PI4K2A: variants seen among roughly 807,000 people sequenced by gnomAD.
PI4K2A encodes the protein phosphatidylinositol 4-kinase type 2-alpha.
In PI4K2A, 20 loss-of-function variants were observed where a neutral mutation model predicts 55.0. That is an observed-to-expected ratio of 0.36 (90% CI 0.26 to 0.53). The LOEUF is 0.53. Among genes scored for constraint, PI4K2A ranks in the 20% least tolerant of loss-of-function variants. PI4K2A has a pLI of 0.91. For synonymous variants in PI4K2A, 235 were observed against 258.5 expected (o/e 0.91, Z 0.87); for missense variants, 463 against 637.1 (o/e 0.73, Z 2.94).
At chr10:97,675,412 A>G (rs1014717303) in exon 9 of PI4K2A, 3 of 152,478 alleles carry the variant, frequency 2.0e-5, no homozygotes, top group African/African-American at 7.2e-5. Context: ...GGACGAAGGT[A>G]CAGCTCGCCT....
chr10:97,642,802 T>TTC lies in PI4K2A; in HGVS notation c.435+1625_435+1626insTC. Among the ~76,000 whole-genome samples, 2 of 139,192 alleles carry TTC rather than the reference T, an allele frequency of 1.4e-5. 1 individual carries two copies. Among genetic ancestry groups the TTC allele is most frequent in the Non-Finnish European group, 3.1e-5 (2 of 64,730 alleles). 91.3% of individuals were successfully genotyped at this position (139,192 alleles called of 152,430 possible). On this transcript the variant is annotated intron_variant, in intron 1 of 8. Transcript: ENST00000370631. ...GTCAGCCAGAGGCTTGCTTGCTTTC[T>TTC]CTTTCTTCCTTCCTTCCTTCCTTCC... is the stretch of plus-strand genomic sequence containing the variant.
exon 1 of PI4K2A, chr10:97,641,051 G>T: frequency 6.2e-7 from 1 of 1,603,948 alleles, no homozygotes; most frequent in South Asian, 1.1e-5. Context: ...AGCGGAACGA[G>T]TTCCCGGAGG....
chr10:97,655,638 G>A (rs1298177873), intron 2 of PI4K2A, among the ~76,000 whole-genome samples: 4 of 151,820 alleles, frequency 2.6e-5, no homozygotes, highest in Admixed American at 1.3e-4. Flanking sequence ...GCAGTGGTGC[G>A]ATCTTGGCTC....
At chr10:97,646,036 G>A (rs962737836) in intron 1 of PI4K2A, among the ~76,000 whole-genome samples, 4 of 151,928 alleles carry the variant, frequency 2.6e-5, no homozygotes, top group Non-Finnish European at 5.9e-5. Flanking sequence ...GGGGTCCACA[G>A]GTCAAAATTA....
In PI4K2A at chr10:97,642,884, T is replaced by TCTTCCTTCCTTC. The variant is rs1246613020; in HGVS notation, c.435+1739_435+1750dup. On this transcript the variant is annotated intron_variant, in intron 1 of 8. Coordinates refer to ENST00000370631, the Ensembl canonical transcript of PI4K2A. ...CTTTCTTTTTCTTTCTTTCTTTCTTTCTTCCTTCCTTCCTTCCTTCCTTCC... is the reference window on the plus strand; with the variant it reads ...CTTTCTTTTTCTTTCTTTCTTTCTTTCTTCCTTCCTTCCTTCCTTCCTTCCTTCCTTCCTTCC... 3.9e-4 allele frequency among the ~76,000 whole-genome samples: 38 copies of TCTTCCTTCCTTC among 96,856 alleles called. 1 individual carries two copies. The highest frequency in any genetic ancestry group is 4.7e-4 in the Non-Finnish European group (22 of 46,680). The allele number at this position is 96,856 out of a possible 152,430, so 63.5% of individuals were successfully genotyped here.
intron 4 of PI4K2A, among the ~76,000 whole-genome samples, chr10:97,662,642 G>T (rs1307537733): frequency 1.3e-5 from 2 of 152,144 alleles, no homozygotes; most frequent in Admixed American, 6.5e-5. Context: ...CAAATTGGCA[G>T]GTGCTCTAGG....
chr10:97,642,340 A>T (rs1242465501), intron 1 of PI4K2A, among the ~76,000 whole-genome samples: 1 of 151,756 alleles, frequency 6.6e-6, no homozygotes, highest in Non-Finnish European at 1.5e-5. Flanking sequence ...TTCTCAGTTT[A>T]CATAAACTGA....
chr10:97,644,430 G>C (rs1193979035), intron 1 of PI4K2A, among the ~76,000 whole-genome samples: 1 of 152,182 alleles, frequency 6.6e-6, no homozygotes, highest in Non-Finnish European at 1.5e-5. Context: ...GACTATATGT[G>C]ACAGATATTT....
chr10:97,654,163 T>A (rs528893683), intron 2 of PI4K2A, among the ~76,000 whole-genome samples: 43 of 152,308 alleles, frequency 2.8e-4, no homozygotes, highest in Middle Eastern at 6.8e-3. Flanking sequence ...TCCTATGAGG[T>A]TTCAGGTTAT....
At chr10:97,655,865 A>G (rs1238104080) in intron 2 of PI4K2A, among the ~76,000 whole-genome samples, 1 of 151,996 alleles carries the variant, frequency 6.6e-6, no homozygotes, top group Non-Finnish European at 1.5e-5. Flanking sequence ...GTGAGCCACC[A>G]CGCCTGGCCA....
intron 8 of PI4K2A, among the ~76,000 whole-genome samples, chr10:97,671,151 G>C (rs187495601): frequency 7.3e-6 from 1 of 136,854 alleles, no homozygotes; most frequent in East Asian, 2.5e-4. Flanking sequence ...AAAAAAAAAA[G>C]AGAGAGAGAG....
chr10:97,640,735 T>C (rs1363944741), exon 1 of PI4K2A: 1 of 1,488,984 alleles, frequency 6.7e-7, no homozygotes, highest in Non-Finnish European at 8.9e-7. Context: ...GAGCCGGCTG[T>C]CTGAGGGATG....
intron 8 of PI4K2A, among the ~76,000 whole-genome samples, chr10:97,671,802 G>A (rs2041636849): frequency 2.0e-5 from 3 of 151,864 alleles, no homozygotes; most frequent in Admixed American, 1.3e-4. Context: ...ATCATGCCCA[G>A]CTAATTTTTG....
chr10:97,662,907 A>T, exon 5 of PI4K2A: 1 of 1,603,302 alleles, frequency 6.2e-7, no homozygotes. Flanking sequence ...CTGTTCACAG[A>T]TCGAGGCAAT....
At chr10:97,649,609 A>ATT (rs60329004) in intron 1 of PI4K2A, among the ~76,000 whole-genome samples, 12,642 of 69,938 alleles carry the variant, frequency 0.18, 4,424 homozygotes, top group Non-Finnish European at 0.3. Context: ...TCCATAATAG[A>ATT]TTTTTTTTTT....
chr10:97,641,282 T>G, intron 1 of PI4K2A, 105 bp downstream of exon 1: 1 of 786,226 alleles, frequency 1.3e-6, no homozygotes, highest in Non-Finnish European at 2.0e-6. Context: ...AACTTCACAG[T>G]ACCAGCCCCT....
intron 8 of PI4K2A, among the ~76,000 whole-genome samples, chr10:97,672,529 T>TTA (rs1276678341): frequency 2.0e-5 from 3 of 152,096 alleles, no homozygotes; most frequent in Non-Finnish European, 4.4e-5. Context: ...GCCAATACAT[T>TTA]TATATATATA....
intron 5 of PI4K2A, 22 bp downstream of exon 5, chr10:97,662,990 T>C (rs761902343): frequency 1.4e-6 from 2 of 1,466,290 alleles, no homozygotes; most frequent in African/African-American, 1.4e-5. Flanking sequence ...AGATAAATCT[T>C]AAAGAGAATG....
chr10:97,642,164 C>G (rs1412147298), intron 1 of PI4K2A, among the ~76,000 whole-genome samples: 1 of 152,112 alleles, frequency 6.6e-6, no homozygotes, highest in Admixed American at 6.5e-5. Flanking sequence ...TGTGTGAACT[C>G]TTTAGATGGC....
Sources: allele counts gnomAD v4.1 joint callset (sites outside exome capture counted in the v4.1 genomes callset), GRCh38; gene constraint gnomAD v4.1.1; transcripts MANE v1.5; gene names NCBI Gene and HGNC (gene_info 2026-07-23, HGNC 2026-07-21).